PSMF1: variants seen among roughly 807,000 people sequenced by gnomAD.
The protein encoded by PSMF1 is proteasome inhibitor subunit 1.
A neutral mutation model predicts 29.3 loss-of-function variants in PSMF1; 30 were observed. The observed-to-expected ratio is 1.02, with a 90% confidence interval of 0.77 to 1.39. The LOEUF is 1.39. Among genes scored for constraint, PSMF1 ranks in the 40% most tolerant of loss-of-function variants. The pLI is 0.00. For synonymous variants in PSMF1, 134 were observed against 139.7 expected, an observed-to-expected ratio of 0.96 and a Z score of 0.29; for missense variants, 344 against 357.5, an observed-to-expected ratio of 0.96 and a Z score of 0.31.
intron 2 of PSMF1, chr20:1,125,910 A>G: frequency 1.6e-6 from 1 of 612,688 alleles, no homozygotes; most frequent in Non-Finnish European, 3.1e-6. Flanking sequence ...CTATTCAGTG[A>G]CAAGATAGAA....
rs1312360157 is a variant in PSMF1, at chr20:1,170,691, A to G, written c.*5611A>G. On this transcript the variant is annotated 3_prime_UTR_variant, in exon 7 of 7. Transcript: ENST00000335877. ...CAAAATGAGCATCACCCCTACCTGC[A>G]GGATTCTTGCAAGATCCAACCAAAT... Among the ~76,000 whole-genome samples the G allele has an allele frequency of 1.3e-5, 2 of 151,938 alleles. No homozygotes were observed. Among genetic ancestry groups the G allele is most frequent in the East Asian group, 1.9e-4 (1 of 5,176 alleles).
chr20:1,116,778 A>G (rs75062426), upstream of PSMF1, among the ~76,000 whole-genome samples: 1 of 145,480 alleles, frequency 6.9e-6, no homozygotes, highest in Admixed American at 6.9e-5. Context: ...GCTTTGCAGG[A>G]AAAAAAAAAA....
At position 1,169,859 on chromosome 20, in the gene PSMF1, T is replaced by G. The variant is rs1320481996; in HGVS notation, c.*4779T>G. Among the ~76,000 whole-genome samples the G allele has an allele frequency of 6.6e-6, 1 of 152,220 alleles. No homozygotes were observed. The highest frequency in any genetic ancestry group is 1.5e-5 in the Non-Finnish European group (1 of 68,038). On this transcript the variant is annotated 3_prime_UTR_variant, in exon 7 of 7. Coordinates refer to ENST00000335877, the MANE Select transcript of PSMF1 (RefSeq NM_006814.5). ...CTTTATTCCCTCTTCCCACCTTTCCTGGAAGGTGCACTGGGACAGAGGTCT... is the reference window on the plus strand; with the variant it reads ...CTTTATTCCCTCTTCCCACCTTTCCGGGAAGGTGCACTGGGACAGAGGTCT...
chr20:1,154,908 T>C (rs2086574779), intron 4 of PSMF1, among the ~76,000 whole-genome samples: 1 of 152,196 alleles, frequency 6.6e-6, no homozygotes, highest in Non-Finnish European at 1.5e-5. Flanking sequence ...AGGTACAGAT[T>C]AGCAGCTGGG....
chr20:1,135,929 A>G (rs753921864), intron 4 of PSMF1, among the ~76,000 whole-genome samples: 5 of 152,232 alleles, frequency 3.3e-5, no homozygotes, highest in Admixed American at 1.3e-4. Flanking sequence ...CTGAGACAGC[A>G]CTTCTCAGTT....
rs1004691553 is a variant in PSMF1 at position 1,150,228 on chromosome 20, A to G, written c.552-12902A>G. Among the ~76,000 whole-genome samples the G allele has an allele frequency of 2.6e-5, 4 of 152,320 alleles. No individual in the cohort carries two copies. The South Asian group carries it at 6.2e-4, about 24-fold the overall frequency. ...ATGCCCGTTTCCCACTTCACGCAGAATATTAAAAAGACATATTCAAAGATT... is the reference window on the plus strand; with the variant it reads ...ATGCCCGTTTCCCACTTCACGCAGAGTATTAAAAAGACATATTCAAAGATT... On this transcript the variant is annotated intron_variant, in intron 4 of 6. Transcript: ENST00000335877.
chr20:1,147,862 G>A (rs960089468), intron 4 of PSMF1, among the ~76,000 whole-genome samples: 2 of 152,160 alleles, frequency 1.3e-5, no homozygotes, highest in Non-Finnish European at 2.9e-5. Flanking sequence ...CAGTTTTGGG[G>A]GGAGGCCACA....
chr20:1,167,448 A>G lies in PSMF1; in HGVS notation c.*2368A>G, dbSNP rs1459129068. On this transcript the variant is annotated 3_prime_UTR_variant, in exon 7 of 7. Transcript: ENST00000335877. ...TTCACAGTGTTGCACATCCACCACCATTTCTAATTCCTGAACATTTTCACC... is the reference window on the plus strand; with the variant it reads ...TTCACAGTGTTGCACATCCACCACCGTTTCTAATTCCTGAACATTTTCACC... 6.6e-6 allele frequency: 1 copy of G among 152,238 alleles called. No individual in the cohort carries two copies. Among genetic ancestry groups the G allele is most frequent in the Admixed American group, 6.5e-5 (1 of 15,272 alleles). 9.4% of individuals were successfully genotyped at this position (152,238 alleles called of 1,614,324 possible).
intron 4 of PSMF1, among the ~76,000 whole-genome samples, chr20:1,151,959 G>A (rs975913339): frequency 1.4e-4 from 21 of 152,164 alleles, no homozygotes; most frequent in African/African-American, 4.6e-4. Context: ...AGATGAACAT[G>A]AGGGCCAAAT....
chr20:1,119,831 C>G (rs566055909), intron 1 of PSMF1, among the ~76,000 whole-genome samples: 13 of 152,324 alleles, frequency 8.5e-5, no homozygotes, highest in Admixed American at 5.9e-4. Flanking sequence ...CCCTCACTGT[C>G]ACTGTTCTCT....
upstream of PSMF1, among the ~76,000 whole-genome samples, chr20:1,114,246 G>C (rs2085994962): frequency 6.6e-6 from 1 of 152,162 alleles, no homozygotes; most frequent in African/African-American, 2.4e-5. Flanking sequence ...CCGGGTAGGA[G>C]TGCGGTCCAG....
chr20:1,136,942 A>G lies in PSMF1; in HGVS notation c.551+1636A>G, dbSNP rs73604112. On this transcript the variant is annotated intron_variant, in intron 4 of 6. Transcript: ENST00000335877. The stretch of plus-strand genomic sequence containing the variant: ...AGAAAAAAATACTTAGTGTTCATAT[A>G]TAAAATGGCCTTACATTCAGATAAT... Among the ~76,000 whole-genome samples the G allele has an allele frequency of 2.7e-4, 41 of 152,366 alleles. 1 individual carries two copies. The East Asian group carries it at 7.9e-3, about 29-fold the overall frequency.
chr20:1,144,762 G>A (rs1203724450), intron 4 of PSMF1, among the ~76,000 whole-genome samples: 1 of 152,192 alleles, frequency 6.6e-6, no homozygotes, highest in Non-Finnish European at 1.5e-5. Context: ...GGTTGCCAGG[G>A]GTTATGAGGG....
At chr20:1,135,507 C>T (rs2086295329) in intron 4 of PSMF1, among the ~76,000 whole-genome samples, 1 of 152,192 alleles carries the variant, frequency 6.6e-6, no homozygotes, top group Non-Finnish European at 1.5e-5. Context: ...ACCCTAATTA[C>T]CCAAAATCCT....
chr20:1,113,976 C>T (rs906454266), upstream of PSMF1, among the ~76,000 whole-genome samples: 36 of 152,340 alleles, frequency 2.4e-4, no homozygotes, highest in Admixed American at 1.5e-3. Flanking sequence ...CAGGCGTGAG[C>T]CACCGCGCCC....
intron 4 of PSMF1, among the ~76,000 whole-genome samples, chr20:1,146,025 C>T (rs2086444970): frequency 1.3e-5 from 2 of 152,088 alleles, no homozygotes; most frequent in Admixed American, 6.5e-5. Context: ...TTGGTGAGTC[C>T]TCTATTCAGC....
chr20:1,121,739 C>G (rs537762802), intron 1 of PSMF1, among the ~76,000 whole-genome samples: 16 of 152,286 alleles, frequency 1.1e-4, no homozygotes, highest in Middle Eastern at 3.4e-3. Flanking sequence ...GTTTTGCTTC[C>G]TCTGTTACAG....
intron 4 of PSMF1, among the ~76,000 whole-genome samples, chr20:1,141,630 C>T (rs549488060): frequency 4.3e-4 from 65 of 152,174 alleles, no homozygotes; most frequent in East Asian, 5.8e-4. Context: ...CAAGGATAAC[C>T]GCTCTGACCA....
intron 4 of PSMF1, among the ~76,000 whole-genome samples, chr20:1,159,469 G>C (rs1221208071): frequency 1.3e-5 from 2 of 152,182 alleles, no homozygotes; most frequent in Non-Finnish European, 2.9e-5. Context: ...GCCTGCAACT[G>C]CCTTTCTAGC....
Sources: gnomAD v4.1 joint callset for allele counts (sites outside exome capture counted in the v4.1 genomes callset) on GRCh38, gnomAD v4.1.1 for gene constraint, MANE v1.5 for transcripts, NCBI Gene and HGNC (gene_info 2026-07-23, HGNC 2026-07-21) for gene names.